NOL8: variants seen among roughly 807,000 people sequenced by gnomAD.
The protein encoded by NOL8 is nucleolar protein Nop132.
Under a neutral mutation model 116.1 loss-of-function variants are expected in NOL8, and 93 were observed. The ratio of observed to expected loss-of-function variants is 0.80; its 90% CI spans 0.68 to 0.95. The LOEUF (loss-of-function observed/expected upper bound fraction) is 0.95, where lower values mean the gene tolerates loss of function less well. Ranked by LOEUF, NOL8 falls within the 40% of genes least tolerant of loss-of-function variation. The probability of loss-of-function intolerance (pLI) is 0.00; values close to 1 mark genes in which losing one functional copy is unlikely to be tolerated. For synonymous variants in NOL8, 419 were observed against 469.0 expected (o/e 0.89, Z 1.38); for missense variants, 1,291 against 1,382.8 (o/e 0.93, Z 1.05).
At chr9:92,306,742 A>C (rs1838297284) in intron 11 of NOL8, 144 bp downstream of exon 11, 3 of 645,634 alleles carry the variant, frequency 4.6e-6, no homozygotes, top group African/African-American at 3.6e-5. Context: ...CACTGGGTCA[A>C]AGGCAAGTAT....
rs1417044623 is a variant in NOL8, at chr9:92,310,666, C to T, written c.2482G>A (p.Gly828Ser). ...PGEEWVKESM[G>S]KTSGKLFDSS... ...TCAAACAGCTTCCCTGATGTTTTAC[C>T]CATAGACTCCTGTGAAGAAACACAA... Residue 828 changes from glycine to serine, a missense_variant, in exon 9 of 17, where the codon GGT (glycine) becomes AGT (serine). By Grantham distance (56) the Gly-to-Ser change is moderately conservative (BLOSUM62 0). Coordinates refer to ENST00000442668, the MANE Select transcript of NOL8 (RefSeq NM_017948.6). The T allele has an allele frequency of 6.2e-7, 1 of 1,603,814 alleles. No homozygotes were observed. The highest frequency in any genetic ancestry group is 1.7e-5 in the Admixed American group (1 of 57,236).
Position 92,310,378 on chromosome 9 carries a change from C to G in NOL8, c.2596-117G>C, listed in dbSNP as rs547399405. On this transcript the variant is annotated intron_variant, in intron 9 of 16. Transcript: ENST00000442668. ...GAAATTCACTACATTAAGATGTTTG[C>G]CTACCTCCATCTACTTATGAACCAA... is the stretch of plus-strand genomic sequence containing the variant. The G allele has an allele frequency of 9.5e-6, 11 of 1,163,614 alleles. No homozygotes were observed. In the South Asian group the frequency reaches 1.3e-4, roughly 13 times the overall value. The allele number at this position is 1,163,614 out of a possible 1,614,324, so 72.1% of individuals were successfully genotyped here.
At chr9:92,313,563 A>C (rs1397749250) in intron 7 of NOL8, among the ~76,000 whole-genome samples, 1 of 152,228 alleles carries the variant, frequency 6.6e-6, no homozygotes, top group Non-Finnish European at 1.5e-5. Context: ...TTTTATGAAC[A>C]AAATGAAACC....
At chr9:92,298,357 A>T in intron 15 of NOL8, 21 bp from the exon 16 acceptor site, 1 of 1,521,052 alleles carries the variant, frequency 6.6e-7, no homozygotes, top group Non-Finnish European at 9.0e-7. Flanking sequence ...AAAAAGAAGA[A>T]AGATGAGGCA....
chr9:92,312,033 C>A (rs1023646511), intron 7 of NOL8, among the ~76,000 whole-genome samples: 1 of 152,166 alleles, frequency 6.6e-6, no homozygotes, highest in Non-Finnish European at 1.5e-5. Context: ...AAAAAGAATG[C>A]AATCATGTCC....
intron 4 of NOL8, chr9:92,319,889 C>A (rs1839776150): frequency 2.7e-6 from 1 of 366,172 alleles, no homozygotes; most frequent in African/African-American, 2.1e-5. Flanking sequence ...CTTTTCTTAG[C>A]CCATCCACTA....
At chr9:92,323,568 A>G in intron 2 of NOL8, 65 bp from the exon 3 acceptor site, 1 of 1,336,408 alleles carries the variant, frequency 7.5e-7, no homozygotes. Context: ...GAGCAATGTA[A>G]AAACGGTTGT....
chr9:92,307,130 A>G, intron 10 of NOL8, 106 bp from the exon 11 acceptor site: 1 of 1,190,832 alleles, frequency 8.4e-7, no homozygotes, highest in Non-Finnish European at 1.2e-6. Context: ...ATCCATTAAG[A>G]CAGGAAGAAG....
chr9:92,315,216 C>T lies in NOL8; in HGVS notation c.1409G>A (p.Gly470Glu), dbSNP rs58545014. The T allele has an allele frequency of 6.0e-3, 9,625 of 1,613,956 alleles. 480 individuals are homozygous for T. In the African/African-American group the frequency reaches 0.11, roughly 18 times the overall value. Residue 470 changes from glycine (G) to glutamate (E), a missense_variant, in exon 7 of 17, where the codon GGA becomes GAA. Gly to Glu is a moderately conservative substitution (Grantham distance 98). Coordinates refer to ENST00000442668, the MANE Select transcript of NOL8 (RefSeq NM_017948.6). ...CATCATGGCATTATACTCCTCACCT[C>T]CTTCAGAGTCAGCTAATTCTGATGC... ...DSASELADSE[G>E]GEEYNAMMKN...
At chr9:92,317,991 T>A (rs1286534575) in intron 6 of NOL8, among the ~76,000 whole-genome samples, 2 of 128,320 alleles carry the variant, frequency 1.6e-5, no homozygotes, top group Non-Finnish European at 1.5e-5. Flanking sequence ...GCCAAGATTG[T>A]GCCACTGCAC....
In NOL8 at chr9:92,320,627, C is replaced by G. The variant is rs1839845344; in HGVS notation, c.281+1041G>C. On this transcript the variant is annotated intron_variant, in intron 4 of 16. Transcript: ENST00000442668. ...TTTTTTCCTTTTTTTTTGTTTGAGACAAGAGTTTCACTCCTGTTGCCCAGG... is the reference window on the plus strand; with the variant it reads ...TTTTTTCCTTTTTTTTTGTTTGAGAGAAGAGTTTCACTCCTGTTGCCCAGG... 3.3e-5 allele frequency among the ~76,000 whole-genome samples: 5 copies of G among 149,950 alleles called. No homozygotes were observed. The East Asian group carries it at 9.8e-4, about 29-fold the overall frequency.
rs1837583886 is a variant in NOL8, at chr9:92,299,915, T to G, written c.3277A>C (p.Thr1093Pro). ...CCAGGACTGGAGTTTCTGTGATCTGTTTCTTCAGTAACATCTTCCTCTTCT... is the reference window on the plus strand; with the variant it reads ...CCAGGACTGGAGTTTCTGTGATCTGGTTCTTCAGTAACATCTTCCTCTTCT... ...SSEEEDVTEE[T>P]DHRNSSPGEA... Residue 1093 changes from threonine (T) to proline (P), a missense_variant, in exon 14 of 17, where the codon ACA (threonine) becomes CCA (proline). Thr to Pro is a conservative substitution (Grantham distance 38). Coordinates refer to ENST00000442668, the MANE Select transcript of NOL8 (RefSeq NM_017948.6). 2 of 1,613,574 alleles carry G rather than the reference T, an allele frequency of 1.2e-6. No individual in the cohort carries two copies. Among genetic ancestry groups the G allele is most frequent in the East Asian group, 4.5e-5 (2 of 44,820 alleles).
chr9:92,318,737 G>T, intron 5 of NOL8, 51 bp from the exon 6 acceptor site: 1 of 1,198,460 alleles, frequency 8.3e-7, no homozygotes, highest in Non-Finnish European at 1.2e-6. Context: ...AAATGGAAAA[G>T]ATTTAATAAC....
chr9:92,324,510 T>A (rs1428065001), intron 1 of NOL8: 1 of 167,260 alleles, frequency 6.0e-6, no homozygotes, highest in Non-Finnish European at 1.3e-5. Flanking sequence ...TGTTTTTAGA[T>A]GTTTTTCCTT....
chr9:92,298,153 G>T, intron 16 of NOL8, 104 bp downstream of exon 16: 3 of 833,486 alleles, frequency 3.6e-6, no homozygotes, highest in Non-Finnish European at 3.8e-6. Context: ...GAGCCAGTCT[G>T]CAGTCTCCTC....
chr9:92,310,255 C>A lies in NOL8; in HGVS notation c.2602G>T (p.Asp868Tyr), dbSNP rs748080846. ...TCGGTGCCAAAGTGCGACTGTAAAT[C>A]CATGAGCTACACAGACAGAAAACAT... Reference protein sequence around the residue: ...FEGRAGQKLMDLQSHFGTDDR... With the variant: ...FEGRAGQKLMYLQSHFGTDDR... Residue 868 changes from aspartate to tyrosine, a missense_variant, in exon 10 of 17, where the codon GAT (aspartate) becomes TAT (tyrosine). By Grantham distance (160) the Asp-to-Tyr change is radical (BLOSUM62 -3). Transcript: ENST00000442668. 317 of 1,605,618 alleles carry A rather than the reference C, an allele frequency of 2.0e-4. No individual in the cohort carries two copies. The highest frequency in any genetic ancestry group is 2.6e-4 in the Non-Finnish European group (311 of 1,176,012).
At position 92,314,948 on chromosome 9, in the gene NOL8, C is replaced by G. The variant is rs1376539374; in HGVS notation, c.1677G>C (p.Gln559His). The G allele has an allele frequency of 1.2e-6, 2 of 1,613,980 alleles. No individual in the cohort carries two copies. Among genetic ancestry groups the G allele is most frequent in the Non-Finnish European group, 1.7e-6 (2 of 1,179,894 alleles). Residue 559 changes from glutamine to histidine, a missense_variant, in exon 7 of 17, where the codon CAG becomes CAC. Coordinates refer to ENST00000442668, the MANE Select transcript of NOL8 (RefSeq NM_017948.6). Reference sequence around the variant, plus strand: ...GCTTTAAATTGTTTTCCTTTGGTTTCTGTTTGCCACAGGTGTTCTCCTCTC... The same window carrying G: ...GCTTTAAATTGTTTTCCTTTGGTTTGTGTTTGCCACAGGTGTTCTCCTCTC... Reference protein sequence around the residue: ...LEGEENTCGKQKPKENNLKPK... With the variant: ...LEGEENTCGKHKPKENNLKPK...
intron 3 of NOL8, chr9:92,323,103 G>C (rs1280815578): frequency 3.6e-6 from 1 of 277,506 alleles, no homozygotes; most frequent in African/African-American, 2.2e-5. Context: ...ACAAGGATTA[G>C]CTGTCAAAGA....
At chr9:92,302,083 G>A (rs1837802730) in intron 12 of NOL8, among the ~76,000 whole-genome samples, 2 of 152,020 alleles carry the variant, frequency 1.3e-5, no homozygotes. Context: ...ATCATTCTCT[G>A]AACTACATTT....
Sources: allele counts gnomAD v4.1 joint callset (sites outside exome capture counted in the v4.1 genomes callset), GRCh38; gene constraint gnomAD v4.1.1; transcripts MANE v1.5; gene names NCBI Gene and HGNC (gene_info 2026-07-23, HGNC 2026-07-21).